Variants in CPEB2 observed in about 807,000 individuals in gnomAD.
The protein encoded by CPEB2 is cytoplasmic polyadenylation element-binding protein 2.
A neutral mutation model predicts 93.6 loss-of-function variants in CPEB2; 56 were observed. The ratio of observed to expected loss-of-function variants is 0.60; its 90% CI spans 0.48 to 0.75. CPEB2 has a LOEUF of 0.75. Ranked by LOEUF, CPEB2 falls within the 30% of genes least tolerant of loss-of-function variation. The pLI is 0.00. For synonymous variants in CPEB2, 764 were observed against 586.3 expected, an observed-to-expected ratio of 1.30 and a Z score of -4.38; for missense variants, 1,579 against 1,395.1, an observed-to-expected ratio of 1.13 and a Z score of -2.10.
intron 4 of CPEB2, among the ~76,000 whole-genome samples, chr4:15,024,484 GT>G (rs1428853074): frequency 2.0e-5 from 3 of 152,038 alleles, no homozygotes; most frequent in African/African-American, 7.2e-5. Context: ...TCTGAATCCT[GT>G]TCATTTGTAT....
intron 11 of CPEB2, among the ~76,000 whole-genome samples, chr4:15,063,368 CAA>C (rs146698542): frequency 2.2e-5 from 3 of 137,336 alleles, no homozygotes; most frequent in Admixed American, 7.4e-5. Flanking sequence ...AAAAGGTTGC[CAA>C]AAAAAAAAAA....
chr4:15,021,043 C>A (rs1435540808), intron 4 of CPEB2, among the ~76,000 whole-genome samples: 1 of 152,208 alleles, frequency 6.6e-6, no homozygotes, highest in South Asian at 2.1e-4. Flanking sequence ...ATTTGAGGAA[C>A]TGAAAGGAGG....
intron 5 of CPEB2, among the ~76,000 whole-genome samples, chr4:15,037,024 C>CG (rs1409036874): frequency 6.6e-6 from 1 of 151,968 alleles, no homozygotes; most frequent in African/African-American, 2.4e-5. Flanking sequence ...ATTTAGGGCC[C>CG]GGGCGCAATG....
intron 3 of CPEB2, among the ~76,000 whole-genome samples, chr4:15,016,473 G>GGTGAAGTAGCAGACTTAATGAGATTAC: frequency 6.6e-6 from 1 of 152,084 alleles, no homozygotes; most frequent in African/African-American, 2.4e-5. Context: ...TTGGAGACTT[G>GGTGAAGTAGCAGACTTAATGAGATTAC]GTGAAGTAGC....
chr4:15,013,248 TGTTA>T (rs1354358805), intron 3 of CPEB2, among the ~76,000 whole-genome samples: 6 of 152,044 alleles, frequency 3.9e-5, no homozygotes, highest in Non-Finnish European at 7.4e-5. Flanking sequence ...CATTTTATTC[TGTTA>T]GTTATTGTGA....
intron 11 of CPEB2, among the ~76,000 whole-genome samples, chr4:15,065,368 AAAC>A (rs1395117368): frequency 6.6e-6 from 1 of 152,122 alleles, no homozygotes; most frequent in African/African-American, 2.4e-5. Context: ...CTTTTCAGCC[AAAC>A]AACAGTAAAA....
chr4:15,065,309 G>A (rs1423577069), intron 11 of CPEB2, among the ~76,000 whole-genome samples: 2 of 152,020 alleles, frequency 1.3e-5, no homozygotes, highest in Non-Finnish European at 2.9e-5. Context: ...AGAACACTCA[G>A]TGTTCTGTTG....
intron 5 of CPEB2, among the ~76,000 whole-genome samples, chr4:15,036,863 G>T (rs925953414): frequency 6.6e-6 from 1 of 152,148 alleles, no homozygotes; most frequent in Non-Finnish European, 1.5e-5. Flanking sequence ...AATTAAGTCA[G>T]TAATTGTATT....
intron 3 of CPEB2, among the ~76,000 whole-genome samples, chr4:15,012,801 G>A (rs1249622436): frequency 6.6e-6 from 1 of 152,068 alleles, no homozygotes; most frequent in Admixed American, 6.5e-5. Flanking sequence ...TCAAGCATCT[G>A]CTAAATCATT....
chr4:15,003,051 C>T lies in CPEB2; in HGVS notation c.378C>T (p.Gly126=). Residue 126 remains glycine (G), a synonymous_variant, in exon 1 of 12, where the codon GGC becomes GGT. Coordinates refer to ENST00000538197, the MANE Select transcript of CPEB2 (RefSeq NM_001177382.2). ...TCCCCGACCACCACCCCGGCGGCGG[C>T]ACGATCGCGGGTGTGACCCACCTCC... ...EKLPDHHPGG[G]TIAGVTHLLP... The T allele has an allele frequency of 6.6e-7, 1 of 1,514,592 alleles. No homozygotes were observed. Among genetic ancestry groups the T allele is most frequent in the Non-Finnish European group, 8.8e-7 (1 of 1,140,156 alleles). 93.8% of individuals were successfully genotyped at this position (1,514,592 alleles called of 1,614,324 possible). A position where few individuals can be genotyped will look rare whatever the true frequency, so the allele number is the denominator to read the frequency against.
chr4:15,003,439 G>A lies in CPEB2; in HGVS notation c.766G>A (p.Ala256Thr). 1.5e-6 allele frequency: 2 copies of A among 1,358,284 alleles called. No homozygotes were observed. The highest frequency in any genetic ancestry group is 1.9e-6 in the Non-Finnish European group (2 of 1,065,926). 84.1% of individuals were successfully genotyped at this position (1,358,284 alleles called of 1,614,324 possible). Residue 256 changes from alanine to threonine, a missense_variant, in exon 1 of 12, where the codon GCA (alanine) becomes ACA (threonine). Ala to Thr is a moderately conservative substitution (Grantham distance 58). This residue lies in a region of CPEB2 where 1,411 missense variants were observed against 1,056.0 expected (regional missense o/e 1.34). Coordinates refer to ENST00000538197, the MANE Select transcript of CPEB2 (RefSeq NM_001177382.2). ...GGACTTCGCCCCGCGGCAGCGTCCGGCAGACCTGCCCCCGCTCCCGCAGCT... is the reference window on the plus strand; with the variant it reads ...GGACTTCGCCCCGCGGCAGCGTCCGACAGACCTGCCCCCGCTCCCGCAGCT... ...PQDFAPRQRP[A>T]DLPPLPQLPP... is the part of the protein sequence containing the mutation.
At chr4:15,038,034 C>T (rs771624622) in intron 5 of CPEB2, among the ~76,000 whole-genome samples, 5 of 152,122 alleles carry the variant, frequency 3.3e-5, no homozygotes, top group Non-Finnish European at 7.4e-5. Context: ...ATTTCCATAA[C>T]AGGGAATAGG....
rs1297541310 is a variant in CPEB2 at position 15,003,722 on chromosome 4, C to T, written c.1049C>T (p.Pro350Leu). 34 of 1,253,380 alleles carry T rather than the reference C, an allele frequency of 2.7e-5. No homozygotes were observed. The highest frequency in any genetic ancestry group is 7.6e-5 in the East Asian group (2 of 26,206). The allele number at this position is 1,253,380 out of a possible 1,614,324, so 77.6% of individuals were successfully genotyped here. ...SSLQSPDLPH[P>L]GGGGGGGGGG... is the part of the protein sequence containing the mutation. ...CTGCAGAGCCCGGACCTTCCACACC[C>T]GGGCGGCGGCGGCGGCGGCGGGGGC... Residue 350 changes from proline (P) to leucine (L), a missense_variant, in exon 1 of 12, where the codon CCG (proline) becomes CTG (leucine). By Grantham distance (98) the Pro-to-Leu change is moderately conservative. Coordinates refer to ENST00000538197, the MANE Select transcript of CPEB2 (RefSeq NM_001177382.2).
At chr4:15,047,217 G>A (rs973930911) in intron 6 of CPEB2, among the ~76,000 whole-genome samples, 1 of 151,986 alleles carries the variant, frequency 6.6e-6, no homozygotes, top group African/African-American at 2.4e-5. Context: ...TCCAACTTTG[G>A]CTTTTTGTTT....
At position 15,003,444 on chromosome 4, in the gene CPEB2, C is replaced by T; in HGVS notation, c.771C>T (p.Asp257=). ...TCGCCCCGCGGCAGCGTCCGGCAGA[C>T]CTGCCCCCGCTCCCGCAGCTCCCTC... ...QDFAPRQRPA[D]LPPLPQLPPS... is the part of the protein sequence containing the mutation. Residue 257 remains aspartate, a synonymous_variant, in exon 1 of 12, where the codon GAC becomes GAT. Coordinates refer to ENST00000538197, the MANE Select transcript of CPEB2 (RefSeq NM_001177382.2). 1 of 1,361,312 alleles carries T rather than the reference C, an allele frequency of 7.3e-7. No homozygotes were observed. The highest frequency in any genetic ancestry group is 1.5e-5 in the African/African-American group (1 of 65,220). The allele number at this position is 1,361,312 out of a possible 1,614,324, so 84.3% of individuals were successfully genotyped here.
chr4:15,006,274 G>A (rs1722805482), intron 1 of CPEB2, among the ~76,000 whole-genome samples: 1 of 151,958 alleles, frequency 6.6e-6, no homozygotes, highest in Non-Finnish European at 1.5e-5. Context: ...TCTTTTAATT[G>A]TCTTACAAAA....
At position 15,052,644 on chromosome 4, in the gene CPEB2, T is replaced by G. The variant is rs568884528; in HGVS notation, c.2371+60T>G. Reference sequence around the variant, plus strand: ...GGGCTTTAACAAAAACAAAAAGATATGAAATTTAATGTGAATGGACTATGA... The same window carrying G: ...GGGCTTTAACAAAAACAAAAAGATAGGAAATTTAATGTGAATGGACTATGA... On this transcript the variant is annotated intron_variant, in intron 7 of 11. Transcript: ENST00000538197. The G allele has an allele frequency of 2.0e-5, 22 of 1,125,746 alleles. No homozygotes were observed. In the East Asian group the frequency reaches 6.1e-4, roughly 31 times the overall value. 69.7% of individuals were successfully genotyped at this position (1,125,746 alleles called of 1,614,324 possible).
At chr4:15,059,711 T>TA (rs1729020084) in intron 10 of CPEB2, among the ~76,000 whole-genome samples, 1 of 152,126 alleles carries the variant, frequency 6.6e-6, no homozygotes, top group South Asian at 2.1e-4. Context: ...AGTAGCACTT[T>TA]AGATAAGTGA....
rs968449007 is a variant in CPEB2 at position 15,004,355 on chromosome 4, G to A, written c.1662+20G>A. 37 of 1,422,654 alleles carry A rather than the reference G, an allele frequency of 2.6e-5. No individual in the cohort carries two copies. The highest frequency in any genetic ancestry group is 2.8e-5 in the Non-Finnish European group (31 of 1,097,258). 88.1% of individuals were successfully genotyped at this position (1,422,654 alleles called of 1,614,324 possible). On this transcript the variant is annotated intron_variant, in intron 1 of 11. Transcript: ENST00000538197. ...CACCAGGTACGGCGGGCGGCGGCCT[G>A]GCCGCGCCGCGGGACCGGGAGACCA...
Sources: gnomAD v4.1 joint callset for allele counts (sites outside exome capture counted in the v4.1 genomes callset) on GRCh38, gnomAD v4.1.1 for gene constraint, gnomAD v4.1.1 regional missense constraint, MANE v1.5 for transcripts, NCBI Gene and HGNC (gene_info 2026-07-23, HGNC 2026-07-21) for gene names.